The following SLC33A2 variants were observed in gnomAD, a reference collection of about 807,000 sequenced individuals.
SLC33A2 encodes the protein solute carrier family 33 member 2.
At chr8:144,509,557 C>CGGGCCT in the SLC33A2 span, 1 of 1,517,520 alleles carries the variant, frequency 6.6e-7, no homozygotes, top group Non-Finnish European at 8.8e-7. Context: ...CGCAGCACGG[C>CGGGCCT]GGGCCTGGGC....
the SLC33A2 span, chr8:144,509,753 G>A: frequency 9.6e-6 from 15 of 1,565,534 alleles, no homozygotes; most frequent in South Asian, 1.4e-4. Flanking sequence ...CCGTGCAGGT[G>A]GTCGCGTACA....
chr8:144,509,939 C>T, the SLC33A2 span: 3 of 1,589,916 alleles, frequency 1.9e-6, no homozygotes, highest in Non-Finnish European at 2.6e-6. Flanking sequence ...GTCCCCACAC[C>T]GCGCACCTTC....
the SLC33A2 span, chr8:144,510,102 G>C: frequency 1.6e-5 from 23 of 1,449,046 alleles, no homozygotes; most frequent in Non-Finnish European, 2.1e-5. Context: ...ACCCATTACA[G>C]GGCCACGCTC....
the SLC33A2 span, chr8:144,509,453 G>C: frequency 3.3e-6 from 5 of 1,534,844 alleles, no homozygotes; most frequent in Non-Finnish European, 4.4e-6. Context: ...TGACGCGCGT[G>C]GGGCTGGCCA....
chr8:144,509,398 A>T, the SLC33A2 span: 2 of 1,526,524 alleles, frequency 1.3e-6, no homozygotes, highest in East Asian at 2.5e-5. Flanking sequence ...TACGGGCTCC[A>T]GTCCGGCCTC....
the SLC33A2 span, chr8:144,509,299 C>T: frequency 6.3e-6 from 9 of 1,427,358 alleles, no homozygotes; most frequent in Non-Finnish European, 8.2e-6. Context: ...CACCTGGAAC[C>T]CGACCTCCCA....
At chr8:144,510,867 G>A in the SLC33A2 span, 14 of 1,609,088 alleles carry the variant, frequency 8.7e-6, no homozygotes, top group African/African-American at 1.7e-4. Flanking sequence ...TCACTGGGAT[G>A]ATGCGCTGCA....
chr8:144,509,933 C>T, the SLC33A2 span: 6 of 1,586,162 alleles, frequency 3.8e-6, no homozygotes, highest in Non-Finnish European at 5.1e-6. Flanking sequence ...AGCAGCGTCC[C>T]CACACCGCGC....
the SLC33A2 span, chr8:144,510,936 C>T: frequency 3.1e-6 from 5 of 1,600,350 alleles, no homozygotes; most frequent in African/African-American, 6.7e-5. Context: ...CAAGAGAGAC[C>T]ACGGGGCTGG....
the SLC33A2 span, chr8:144,509,121 G>A: frequency 4.1e-6 from 2 of 484,808 alleles, no homozygotes; most frequent in Non-Finnish European, 7.0e-6. Context: ...GCTCGCCCCC[G>A]TTTGGACCCG....
At chr8:144,510,430 A>T in the SLC33A2 span, 2 of 1,612,726 alleles carry the variant, frequency 1.2e-6, no homozygotes, top group Non-Finnish European at 8.5e-7. Flanking sequence ...CCGAGTTGGG[A>T]CTGTGGAATG....
chr8:144,509,810 C>A, the SLC33A2 span: 1 of 1,541,924 alleles, frequency 6.5e-7, no homozygotes. Flanking sequence ...CGCTGCTGCC[C>A]ACCTTCTCGT....
At chr8:144,510,403 C>T in the SLC33A2 span, 1 of 1,612,776 alleles carries the variant, frequency 6.2e-7, no homozygotes. Flanking sequence ...TCCTGCTGGA[C>T]CACGGCGTTT....
chr8:144,509,669 CG>C, the SLC33A2 span: 1 of 1,554,700 alleles, frequency 6.4e-7, no homozygotes. Flanking sequence ...ACCTGGGTGC[CG>C]CCATGCAGGA....
chr8:144,510,310 TG>T, the SLC33A2 span: 1 of 1,601,548 alleles, frequency 6.2e-7, no homozygotes. Flanking sequence ...AGAAGGGAGG[TG>T]GGGGCAGATA....
chr8:144,509,581 T>G, the SLC33A2 span: 1 of 1,530,526 alleles, frequency 6.5e-7, no homozygotes, highest in Non-Finnish European at 8.7e-7. Flanking sequence ...GTGTGTGGGC[T>G]GCTTGCCGGG....
the SLC33A2 span, chr8:144,509,316 C>A: frequency 7.0e-7 from 1 of 1,437,946 alleles, no homozygotes; most frequent in Non-Finnish European, 9.1e-7. Flanking sequence ...CCCAGCCTCG[C>A]AGCCGGCCTG....
chr8:144,509,196 G>A, the SLC33A2 span: 1 of 878,624 alleles, frequency 1.1e-6, no homozygotes, highest in Non-Finnish European at 1.6e-6. Flanking sequence ...ACCCTAGCCT[G>A]TACGACGCTG....
chr8:144,510,297 G>A, the SLC33A2 span: 4 of 1,595,830 alleles, frequency 2.5e-6, no homozygotes, highest in East Asian at 8.9e-5. Flanking sequence ...GGCCCAGGTG[G>A]GGAGAAGGGA....
Sources: allele counts gnomAD v4.1 joint callset, GRCh38; gene constraint gnomAD v4.1.1; transcripts MANE v1.5; gene names NCBI Gene and HGNC (gene_info 2026-07-23, HGNC 2026-07-21).